The following ADAM10 variants were observed in gnomAD, a reference collection of about 807,000 sequenced individuals.
The protein encoded by ADAM10 is ADAM metallopeptidase domain 10, also known as disintegrin and metalloproteinase domain-containing protein 10.
In ADAM10, 17 loss-of-function variants were observed where a neutral mutation model predicts 90.1. The observed-to-expected ratio is 0.19, with a 90% CI of 0.13 to 0.28. The LOEUF (loss-of-function observed/expected upper bound fraction) is 0.28, where lower values mean the gene tolerates loss of function less well. Among genes scored for constraint, ADAM10 ranks in the 10% least tolerant of loss-of-function variants. The probability of loss-of-function intolerance (pLI) is 1.00; values close to 1 mark genes in which losing one functional copy is unlikely to be tolerated. For synonymous variants in ADAM10, 310 were observed against 298.6 expected (o/e 1.04, Z -0.40); for missense variants, 610 against 914.3 (o/e 0.67, Z 4.29).
chr15:58,618,730 T>C (rs562383903), intron 11 of ADAM10, among the ~76,000 whole-genome samples: 46 of 152,106 alleles, frequency 3.0e-4, no homozygotes, highest in African/African-American at 9.9e-4. Flanking sequence ...AGAAGACATA[T>C]AAATTGCTAA....
intron 11 of ADAM10, among the ~76,000 whole-genome samples, chr15:58,615,276 GA>G (rs35628107): frequency 0.46 from 38,999 of 85,086 alleles, 7,227 homozygotes; most frequent in East Asian, 0.85. Context: ...TCCGTCTGAA[GA>G]AAAAAAAAAA....
intron 1 of ADAM10, chr15:58,748,576 G>C (rs1230528635): frequency 4.7e-6 from 1 of 210,534 alleles, no homozygotes; most frequent in African/African-American, 2.3e-5. Flanking sequence ...GTGCAGGGGG[G>C]AGGGGGCACT....
At chr15:58,742,123 C>T (rs113284511) in intron 1 of ADAM10, among the ~76,000 whole-genome samples, 76 of 152,242 alleles carry the variant, frequency 5.0e-4, no homozygotes, top group Non-Finnish European at 4.6e-4. Flanking sequence ...TACTTTTCTT[C>T]TCACTTAATA....
At chr15:58,635,461 T>C (rs1177495027) in intron 8 of ADAM10, among the ~76,000 whole-genome samples, 1 of 152,024 alleles carries the variant, frequency 6.6e-6, no homozygotes, top group Admixed American at 6.6e-5. Flanking sequence ...TGAGAACTTT[T>C]ATGATATTCA....
rs1894844387 is a variant in ADAM10 at position 58,592,531 on chromosome 15, A to C, written c.*5016T>G. ...AATGTTTCCTAGGTTCTTCTTGTAC[A>C]TTTCTTTCTTACAGGTGGAATTAGT... On this transcript the variant is annotated 3_prime_UTR_variant, in exon 16 of 16. Transcript: ENST00000260408. 6.6e-6 allele frequency: 1 copy of C among 152,100 alleles called. No homozygotes were observed. The highest frequency in any genetic ancestry group is 1.9e-4 in the East Asian group (1 of 5,196). The allele number at this position is 152,100 out of a possible 1,614,324, so 9.4% of individuals were successfully genotyped here.
chr15:58,748,759 C>CT, intron 1 of ADAM10: 1 of 395,960 alleles, frequency 2.5e-6, no homozygotes, highest in Non-Finnish European at 4.4e-6. Flanking sequence ...ACCCTTTCCC[C>CT]TGGGCGACAG....
At chr15:58,716,401 C>T (rs1049750748) in intron 2 of ADAM10, among the ~76,000 whole-genome samples, 2 of 151,964 alleles carry the variant, frequency 1.3e-5, no homozygotes, top group East Asian at 1.9e-4. Flanking sequence ...AAAGTTTAGA[C>T]GGAATTAAAA....
Position 58,597,163 on chromosome 15 carries a change from T to C in ADAM10, c.*384A>G, listed in dbSNP as rs77874096. On this transcript the variant is annotated 3_prime_UTR_variant, in exon 16 of 16. Coordinates refer to ENST00000260408, the MANE Select transcript of ADAM10 (RefSeq NM_001110.4). ...AGGTGGTCGAGCCTCCTAGCCTTGATTGGCAGTTGAAAAAAATATATTTAT... is the reference window on the plus strand; with the variant it reads ...AGGTGGTCGAGCCTCCTAGCCTTGACTGGCAGTTGAAAAAAATATATTTAT... 13,500 of 496,620 alleles carry C rather than the reference T, an allele frequency of 0.027. 241 individuals are homozygous for C. The highest frequency in any genetic ancestry group is 0.057 in the African/African-American group (2,966 of 51,866). The allele number at this position is 496,620 out of a possible 1,614,324, so 30.8% of individuals were successfully genotyped here. A position where few individuals can be genotyped will look rare whatever the true frequency, so the allele number is the denominator to read the frequency against.
rs1349152908 is a variant in ADAM10, at chr15:58,595,709, T to C, written c.*1838A>G. 6.6e-6 allele frequency: 1 copy of C among 152,086 alleles called. No homozygotes were observed. The highest frequency in any genetic ancestry group is 1.5e-5 in the Non-Finnish European group (1 of 67,980). 9.4% of individuals were successfully genotyped at this position (152,086 alleles called of 1,614,324 possible). A position where few individuals can be genotyped will look rare whatever the true frequency, so the allele number is the denominator to read the frequency against. The stretch of plus-strand genomic sequence containing the variant: ...CCAAAATCCTACCACAGGATAACAT[T>C]ACAAGCAAAAAATTTACATGTTCCA... On this transcript the variant is annotated 3_prime_UTR_variant, in exon 16 of 16. Coordinates refer to ENST00000260408, the MANE Select transcript of ADAM10 (RefSeq NM_001110.4).
At chr15:58,626,344 C>T (rs7164104) in intron 10 of ADAM10, among the ~76,000 whole-genome samples, 7,634 of 152,142 alleles carry the variant, frequency 0.05, 653 homozygotes, top group African/African-American at 0.17. Context: ...CAATTAAAAA[C>T]AAAATCCCAT....
chr15:58,727,184 T>C (rs1281836363), intron 1 of ADAM10, among the ~76,000 whole-genome samples: 2 of 118,396 alleles, frequency 1.7e-5, no homozygotes, highest in African/African-American at 7.2e-5. Context: ...ATCTTTTTTT[T>C]TTTTTTTTTT....
rs1231673346 is a variant in ADAM10, at chr15:58,596,368, T to C, written c.*1179A>G. The C allele has an allele frequency of 1.3e-5, 2 of 152,642 alleles. No homozygotes were observed. Among genetic ancestry groups the C allele is most frequent in the Admixed American group, 1.3e-4 (2 of 15,280 alleles). The allele number at this position is 152,642 out of a possible 1,614,324, so 9.5% of individuals were successfully genotyped here. Reference sequence around the variant, plus strand: ...CAAAAATAAATTTGGAATGGGACATTGTGCTGTTTCACCTTCAATGCTGTT... The same window carrying C: ...CAAAAATAAATTTGGAATGGGACATCGTGCTGTTTCACCTTCAATGCTGTT... On this transcript the variant is annotated 3_prime_UTR_variant, in exon 16 of 16. Coordinates refer to ENST00000260408, the MANE Select transcript of ADAM10 (RefSeq NM_001110.4).
rs1899914786 is a variant in ADAM10 at position 58,749,596 on chromosome 15, G to C, written c.-62C>G. On this transcript the variant is annotated 5_prime_UTR_variant, in exon 1 of 16. Coordinates refer to ENST00000260408, the MANE Select transcript of ADAM10 (RefSeq NM_001110.4). ...GGGTTAACAGCAGCACATCGATCCG[G>C]AGGGAGAAGCTGAAGGGGCTTGGTC... 6.5e-7 allele frequency: 1 copy of C among 1,547,864 alleles called. No individual in the cohort carries two copies. Among genetic ancestry groups the C allele is most frequent in the Non-Finnish European group, 8.7e-7 (1 of 1,145,088 alleles).
intron 5 of ADAM10, among the ~76,000 whole-genome samples, chr15:58,659,738 TC>T (rs1463334860): frequency 1.3e-5 from 2 of 152,202 alleles, no homozygotes; most frequent in Non-Finnish European, 2.9e-5. Flanking sequence ...GTTTTCTCTT[TC>T]TTTTTTTGAG....
intron 1 of ADAM10, among the ~76,000 whole-genome samples, chr15:58,718,106 G>A (rs1898725543): frequency 6.6e-6 from 1 of 150,700 alleles, no homozygotes; most frequent in Non-Finnish European, 1.5e-5. Flanking sequence ...AGACCAGCCT[G>A]GTCAACATAG....
At chr15:58,747,526 G>C (rs1899830340) in intron 1 of ADAM10, 1 of 152,080 alleles carries the variant, frequency 6.6e-6, no homozygotes, top group Non-Finnish European at 1.5e-5. Context: ...GATCTTACAA[G>C]TGACCAAAAA....
At position 58,668,839 on chromosome 15, in the gene ADAM10, T is replaced by A. The variant is rs114692844; in HGVS notation, c.485-3642A>T. Among the ~76,000 whole-genome samples, 521 of 152,262 alleles carry A rather than the reference T, an allele frequency of 3.4e-3. 6 individuals carry two copies. Among genetic ancestry groups the A allele is most frequent in the African/African-American group, 0.012 (490 of 41,550 alleles). ...GCCAGTATGTGGTTTCTATGCCTCT[T>A]TTCAAAGGTCATCCATTAACCAAAG... On this transcript the variant is annotated intron_variant, in intron 4 of 15. Coordinates refer to ENST00000260408, the MANE Select transcript of ADAM10 (RefSeq NM_001110.4).
chr15:58,641,706 C>A (rs1196758163), intron 7 of ADAM10, among the ~76,000 whole-genome samples: 1 of 152,320 alleles, frequency 6.6e-6, no homozygotes, highest in Non-Finnish European at 1.5e-5. Flanking sequence ...TTAGCCCCTG[C>A]ATCCTTTCAG....
chr15:58,748,653 T>A, intron 1 of ADAM10: 2 of 332,020 alleles, frequency 6.0e-6, no homozygotes, highest in Non-Finnish European at 1.1e-5. Context: ...ACTCTTCAAG[T>A]TGGGTCACCC....
Sources: allele counts gnomAD v4.1 joint callset (sites outside exome capture counted in the v4.1 genomes callset), GRCh38; gene constraint gnomAD v4.1.1; transcripts MANE v1.5; gene names NCBI Gene and HGNC (gene_info 2026-07-23, HGNC 2026-07-21).